ZC3H18: variants seen among roughly 807,000 people sequenced by gnomAD.
ZC3H18 encodes the protein zinc finger CCCH domain-containing protein 18.
ZC3H18 carries 8 observed loss-of-function variants against 106.1 expected under a neutral mutation model. The observed-to-expected ratio is 0.08, with a 90% confidence interval of 0.04 to 0.14. ZC3H18 has a LOEUF of 0.14. Among genes scored for constraint, ZC3H18 ranks in the 10% least tolerant of loss-of-function variants. The probability of loss-of-function intolerance (pLI) is 1.00; values close to 1 mark genes in which losing one functional copy is unlikely to be tolerated. For synonymous variants in ZC3H18, 635 were observed against 522.1 expected (o/e 1.22, Z -2.95); for missense variants, 1,318 against 1,278.4 (o/e 1.03, Z -0.47).
chr16:88,627,858 C>T lies in ZC3H18; in HGVS notation c.2270-62C>T. 1 of 1,612,754 alleles carries T rather than the reference C, an allele frequency of 6.2e-7. No individual in the cohort carries two copies. The highest frequency in any genetic ancestry group is 1.7e-5 in the Admixed American group (1 of 59,992). On this transcript the variant is annotated intron_variant, in intron 14 of 17. Transcript: ENST00000301011. The surrounding 1 kb of genome is among the most constrained non-coding windows in gnomAD (Gnocchi z 4.5). ...CGGCATCAGCACAGACTTTGCCTGG[C>T]TGTTGGTGTGGCCATGGGAAAATCA...
chr16:88,613,569 A>G (rs899760198), intron 8 of ZC3H18, among the ~76,000 whole-genome samples: 15 of 151,856 alleles, frequency 9.9e-5, no homozygotes, highest in African/African-American at 3.4e-4. Context: ...TGCCGTTGCG[A>G]TTTGTATTTC....
chr16:88,579,353 C>G (rs1914967149), intron 2 of ZC3H18, among the ~76,000 whole-genome samples: 1 of 152,168 alleles, frequency 6.6e-6, no homozygotes, highest in South Asian at 2.1e-4. Context: ...ACAGCCCTGT[C>G]TGCACCACCA....
rs145078217 is a variant in ZC3H18, at chr16:88,622,613, G to A, written c.1667+225G>A. ...TGACCCCAAATGGGGCACAGACCCC[G>A]GCGACTGAGCCTGACTGCTCCCAGG... On this transcript the variant is annotated intron_variant, in intron 9 of 17. Transcript: ENST00000301011. 5.5e-3 allele frequency: 2,937 copies of A among 538,400 alleles called. 20 individuals carry two copies. Among genetic ancestry groups the A allele is most frequent in the Non-Finnish European group, 6.9e-3 (2,138 of 311,094 alleles). 33.4% of individuals were successfully genotyped at this position (538,400 alleles called of 1,614,324 possible). A position where few individuals can be genotyped will look rare whatever the true frequency, so the allele number is the denominator to read the frequency against.
intron 2 of ZC3H18, among the ~76,000 whole-genome samples, chr16:88,581,757 G>C (rs1915144840): frequency 6.6e-6 from 1 of 152,206 alleles, no homozygotes; most frequent in South Asian, 2.1e-4. Flanking sequence ...ACCCACTCAT[G>C]CCATGTGGCA....
chr16:88,599,014 A>T (rs1904603533), intron 5 of ZC3H18, among the ~76,000 whole-genome samples: 1 of 152,180 alleles, frequency 6.6e-6, no homozygotes. Context: ...ATGCGCCACC[A>T]GGCCCGGAAG....
intron 3 of ZC3H18, among the ~76,000 whole-genome samples, chr16:88,588,275 T>C (rs369881495): frequency 1.3e-5 from 2 of 152,338 alleles, no homozygotes; most frequent in African/African-American, 4.8e-5. Context: ...TGCAGTCATT[T>C]TGAATCAGCA....
At chr16:88,626,739 C>T (rs1214846493) in intron 13 of ZC3H18, 1 of 152,150 alleles carries the variant, frequency 6.6e-6, no homozygotes, top group Non-Finnish European at 1.5e-5. Flanking sequence ...CCGTTCCTTG[C>T]TCCGGTACCC....
intron 2 of ZC3H18, among the ~76,000 whole-genome samples, chr16:88,584,835 A>G (rs572665922): frequency 3.1e-4 from 47 of 152,336 alleles, no homozygotes; most frequent in African/African-American, 1.1e-3. Flanking sequence ...CATCTGATCT[A>G]GTTTGTTTCC....
chr16:88,626,718 C>G (rs1214220097), intron 13 of ZC3H18: 1 of 152,000 alleles, frequency 6.6e-6, no homozygotes, highest in African/African-American at 2.4e-5. Context: ...AAATGGTTCT[C>G]TTACATTCCC....
At chr16:88,613,710 T>G (rs1905403244) in intron 8 of ZC3H18, among the ~76,000 whole-genome samples, 1 of 152,212 alleles carries the variant, frequency 6.6e-6, no homozygotes, top group East Asian at 1.9e-4. Flanking sequence ...TAAGAGTCCT[T>G]TATGTATTCC....
At chr16:88,573,646 G>C (rs141663071) in intron 1 of ZC3H18, among the ~76,000 whole-genome samples, 92 of 152,004 alleles carry the variant, frequency 6.1e-4, no homozygotes, top group Admixed American at 3.0e-3. Context: ...TCTTGGGCTC[G>C]AGTGATTCTC....
chr16:88,577,311 A>C lies in ZC3H18; in HGVS notation c.188A>C (p.Glu63Ala), dbSNP rs1323944351. 2 of 1,612,124 alleles carry C rather than the reference A, an allele frequency of 1.2e-6. No individual in the cohort carries two copies. Among genetic ancestry groups the C allele is most frequent in the Admixed American group, 3.3e-5 (2 of 59,780 alleles). The change falls in exon 2 of 18, where the codon GAA (glutamate) becomes GCA (alanine). Residue 63 changes from glutamate to alanine, a missense_variant. Coordinates refer to ENST00000301011, the MANE Select transcript of ZC3H18 (RefSeq NM_144604.4). ...GCCAGGGGGCCGAGCCAGGAGGAGGAAGATAATCACTCCGACGAGGAGGAC... is the reference window on the plus strand; with the variant it reads ...GCCAGGGGGCCGAGCCAGGAGGAGGCAGATAATCACTCCGACGAGGAGGAC... ...SAARGPSQEE[E>A]DNHSDEEDRA...
Position 88,620,141 on chromosome 16 carries a change from A to G in ZC3H18, c.1476-2056A>G, listed in dbSNP as rs116065776. ...GCATGTTTGCCAGCCGGTTGGTTAA[A>G]CAAGCTCTGAAAACATAAACATTGA... On this transcript the variant is annotated intron_variant, in intron 8 of 17. Transcript: ENST00000301011. 3.8e-3 allele frequency among the ~76,000 whole-genome samples: 579 copies of G among 152,330 alleles called. 5 individuals carry two copies. The highest frequency in any genetic ancestry group is 0.014 in the African/African-American group (569 of 41,568).
At position 88,627,625 on chromosome 16, in the gene ZC3H18, C is replaced by T. The variant is rs769983652; in HGVS notation, c.2112C>T (p.Ser704=). The T allele has an allele frequency of 5.0e-6, 8 of 1,601,150 alleles. No homozygotes were observed. The highest frequency in any genetic ancestry group is 1.7e-4 in the Middle Eastern group (1 of 6,050). ...TGAGATGTGCTTGTGTGTCCAGGTC[C>T]CTGAGCGTGAGCAGCGTCTCCTCAG... The part of the protein sequence containing the change: ...SYSGSSSRSR[S]LSVSSVSSVS... The change falls in exon 14 of 18, where the codon TCC becomes TCT. Residue 704 remains serine, a synonymous_variant. Transcript: ENST00000301011. The surrounding 1 kb of genome is among the most constrained non-coding windows in gnomAD (Gnocchi z 4.5).
At chr16:88,601,258 A>T (rs1904736176) in intron 6 of ZC3H18, among the ~76,000 whole-genome samples, 1 of 152,234 alleles carries the variant, frequency 6.6e-6, no homozygotes, top group Admixed American at 6.5e-5. Flanking sequence ...AGAAAGGAGC[A>T]TTTGAGTCAG....
chr16:88,609,789 C>T (rs1215720111), intron 7 of ZC3H18, among the ~76,000 whole-genome samples: 2 of 124,200 alleles, frequency 1.6e-5, no homozygotes, highest in Non-Finnish European at 3.7e-5. Context: ...TTAGTAGAGA[C>T]AGGGTTTTGC....
intron 1 of ZC3H18, among the ~76,000 whole-genome samples, chr16:88,574,092 C>T (rs1914583801): frequency 1.3e-5 from 2 of 152,036 alleles, no homozygotes; most frequent in Admixed American, 6.5e-5. Flanking sequence ...CCGGGCTTGT[C>T]CTGAACTCCT....
chr16:88,620,586 A>T (rs956975166), intron 8 of ZC3H18, among the ~76,000 whole-genome samples: 1 of 120,222 alleles, frequency 8.3e-6, no homozygotes, highest in African/African-American at 3.0e-5. Context: ...TCTAAAAAAG[A>T]AAAAAAAAAA....
In ZC3H18 at chr16:88,627,552, A is replaced by G; in HGVS notation, c.2109-70A>G. 3 of 1,535,228 alleles carry G rather than the reference A, an allele frequency of 2.0e-6. No homozygotes were observed. The highest frequency in any genetic ancestry group is 2.6e-6 in the Non-Finnish European group (3 of 1,137,000). On this transcript the variant is annotated intron_variant, in intron 13 of 17. Coordinates refer to ENST00000301011, the MANE Select transcript of ZC3H18 (RefSeq NM_144604.4). This position sits in a 1 kb window ranked among gnomAD's most constrained non-coding sequence, Gnocchi z 4.5. ...AATGGACACTGCGTAAAAGTGGACC[A>G]TGGAGCACCCCCTGCTGGCCCCTCC...
Sources: allele counts gnomAD v4.1 joint callset (sites outside exome capture counted in the v4.1 genomes callset), GRCh38; gene constraint gnomAD v4.1.1; non-coding constraint Gnocchi (gnomAD v3.1); transcripts MANE v1.5; gene names NCBI Gene and HGNC (gene_info 2026-07-23, HGNC 2026-07-21).